The following ESYT2 variants were observed in gnomAD, a reference collection of about 807,000 sequenced individuals.
ESYT2 encodes extended synaptotagmin-2.
Under a neutral mutation model 107.2 loss-of-function variants are expected in ESYT2, and 54 were observed. The ratio of observed to expected loss-of-function variants is 0.50; its 90% CI spans 0.40 to 0.63. The LOEUF (loss-of-function observed/expected upper bound fraction) is 0.63, where lower values mean the gene tolerates loss of function less well. ESYT2 is among the 30% of genes least tolerant of loss of function. The pLI is 0.00. For synonymous variants in ESYT2, 491 were observed against 434.1 expected (o/e 1.13, Z -1.63); for missense variants, 1,020 against 1,094.5 (o/e 0.93, Z 0.96).
rs534394628 is a variant in ESYT2 at position 158,759,315 on chromosome 7, A to C, written c.1419+171T>G. Among the ~76,000 whole-genome samples the C allele has an allele frequency of 2.0e-5, 3 of 152,362 alleles. No homozygotes were observed. In the South Asian group the frequency reaches 6.2e-4, roughly 32 times the overall value. On this transcript the variant is annotated intron_variant, in intron 13 of 22. Coordinates refer to ENST00000275418, the MANE Select transcript of ESYT2 (RefSeq NM_001367773.1). Reference sequence around the variant, plus strand: ...TAAACAGAAATGTATGCACTCCCAGAGCAAACACTAACTTCTCCCTCTCCA... The same window carrying C: ...TAAACAGAAATGTATGCACTCCCAGCGCAAACACTAACTTCTCCCTCTCCA...
At chr7:158,765,086 C>T (rs1312032476) in intron 8 of ESYT2, among the ~76,000 whole-genome samples, 3 of 152,136 alleles carry the variant, frequency 2.0e-5, no homozygotes, top group Non-Finnish European at 4.4e-5. Flanking sequence ...GAGGCTGGCT[C>T]AGAGGAGAAC....
At chr7:158,811,050 T>G (rs1481496153) in intron 1 of ESYT2, among the ~76,000 whole-genome samples, 1 of 135,412 alleles carries the variant, frequency 7.4e-6, no homozygotes, top group Non-Finnish European at 1.6e-5. Context: ...ATCCCAGCAC[T>G]CTGGGACGCC....
rs967292351 is a variant in ESYT2, at chr7:158,822,476, T to C, written c.330+6613A>G. Among the ~76,000 whole-genome samples, 4 of 152,304 alleles carry C rather than the reference T, an allele frequency of 2.6e-5. No individual in the cohort carries two copies. In the East Asian group the frequency reaches 7.7e-4, roughly 29 times the overall value. On this transcript the variant is annotated intron_variant, in intron 1 of 22. Transcript: ENST00000275418. ...ATAGCATCCGTGTTTAAGGGACTAT[T>C]AGAGGCCCGAGGTGGTGGCTCACAC... is the stretch of plus-strand genomic sequence containing the variant.
At chr7:158,788,616 C>T (rs533533710) in intron 4 of ESYT2, among the ~76,000 whole-genome samples, 199 bp from the exon 5 acceptor site, 3 of 152,318 alleles carry the variant, frequency 2.0e-5, no homozygotes, top group South Asian at 4.1e-4. Context: ...AGATCCAACA[C>T]TGCTATGACG....
At position 158,749,668 on chromosome 7, in the gene ESYT2, T is replaced by G; in HGVS notation, c.1538A>C (p.His513Pro). 1.2e-6 allele frequency: 2 copies of G among 1,614,120 alleles called. No homozygotes were observed. The part of the protein sequence containing the change: ...PNPVVQMSVG[H>P]KAQESKIRYK... ...CCTTACCTTGCTCTCCTGGGCCTTG[T>G]GCCCAACTGACATCTGGACAACAGG... Residue 513 changes from histidine (H) to proline (P), a missense_variant, in exon 15 of 23, where the codon CAC becomes CCC. Coordinates refer to ENST00000275418, the MANE Select transcript of ESYT2 (RefSeq NM_001367773.1).
chr7:158,741,763 C>A lies in ESYT2; in HGVS notation c.1928G>T (p.Gly643Val), dbSNP rs1325012649. Residue 643 changes from glycine to valine, a missense_variant, in exon 18 of 23, where the codon GGC becomes GTC. Transcript: ENST00000275418. ...SHMSGSPGPG[G>V]SNTAPSTPVI... ...TGGTGTGGATGGAGCTGTGTTGCTG[C>A]CACCAGGGCCTGGAGACCCAGACAT... The A allele has an allele frequency of 1.2e-6, 2 of 1,614,020 alleles. No homozygotes were observed. The highest frequency in any genetic ancestry group is 1.1e-5 in the South Asian group (1 of 91,072).
chr7:158,734,195 T>A lies in ESYT2; in HGVS notation c.*12A>T. On this transcript the variant is annotated 3_prime_UTR_variant, in exon 23 of 23. Transcript: ENST00000275418. ...GAGCTACGCTGAAGAGGACGCCTCC[T>A]GCCTGCTGCGGCTATGTCATCGCCT... 2.5e-6 allele frequency: 4 copies of A among 1,614,150 alleles called. No homozygotes were observed. Among genetic ancestry groups the A allele is most frequent in the Non-Finnish European group, 3.4e-6 (4 of 1,180,040 alleles).
chr7:158,781,296 G>GC (rs1838787134), intron 6 of ESYT2, among the ~76,000 whole-genome samples: 1 of 47,728 alleles, frequency 2.1e-5, no homozygotes, highest in African/African-American at 5.0e-5. Context: ...AACAGTGTGC[G>GC]GTGTGTGAGA....
rs1291999368 is a variant in ESYT2, at chr7:158,828,852, G to A, written c.330+237C>T. On this transcript the variant is annotated intron_variant, in intron 1 of 22. Coordinates refer to ENST00000275418, the MANE Select transcript of ESYT2 (RefSeq NM_001367773.1). ...CGGGGCGGGGTCTGCACTCACCTAG[G>A]TTGGCAGGTCGCAGGAACCGGCCCG... Among the ~76,000 whole-genome samples, 4 of 148,474 alleles carry A rather than the reference G, an allele frequency of 2.7e-5. No homozygotes were observed. The South Asian group carries it at 8.7e-4, about 32-fold the overall frequency.
At chr7:158,788,731 C>T (rs1048387248) in intron 4 of ESYT2, among the ~76,000 whole-genome samples, 1 of 152,152 alleles carries the variant, frequency 6.6e-6, no homozygotes, top group Non-Finnish European at 1.5e-5. Context: ...AAAGAAGATG[C>T]GAATAACAAA....
intron 1 of ESYT2, among the ~76,000 whole-genome samples, chr7:158,803,390 C>T (rs2129473693): frequency 6.6e-6 from 1 of 152,322 alleles, no homozygotes; most frequent in East Asian, 1.9e-4. Context: ...GACGCCTCTT[C>T]TTTATCAGTT....
Position 158,764,831 on chromosome 7 carries a change from A to G in ESYT2, c.947T>C (p.Ile316Thr). 1.2e-6 allele frequency: 2 copies of G among 1,614,142 alleles called. No individual in the cohort carries two copies. Among genetic ancestry groups the G allele is most frequent in the Non-Finnish European group, 1.7e-6 (2 of 1,180,008 alleles). ...TTTCCCCTGAAGATCCTGAGCTTCA[A>G]TAAAATGTATCCTTAGAACACCCTG... ...VPKGVLRIHF[I>T]EAQDLQGKDT... Residue 316 changes from isoleucine to threonine, a missense_variant, in exon 9 of 23, where the codon ATT (isoleucine) becomes ACT (threonine). Coordinates refer to ENST00000275418, the MANE Select transcript of ESYT2 (RefSeq NM_001367773.1).
chr7:158,822,941 C>T (rs537680639), intron 1 of ESYT2, among the ~76,000 whole-genome samples: 1 of 152,204 alleles, frequency 6.6e-6, no homozygotes, highest in African/African-American at 2.4e-5. Context: ...GCTAGAATTC[C>T]GTAAGCAAAG....
intron 6 of ESYT2, among the ~76,000 whole-genome samples, chr7:158,786,602 C>A (rs981894399): frequency 1.4e-4 from 22 of 152,080 alleles, no homozygotes; most frequent in African/African-American, 5.1e-4. Context: ...AAAATCAGAA[C>A]AATTATTTTA....
At position 158,785,426 on chromosome 7, in the gene ESYT2, A is replaced by AAAATAAAT. The variant is rs55862703; in HGVS notation, c.747+2570_747+2577dup. On this transcript the variant is annotated intron_variant, in intron 6 of 22. Coordinates refer to ENST00000275418, the MANE Select transcript of ESYT2 (RefSeq NM_001367773.1). ...GGTGACAAGAGTGAAACTCCGTCTC[A>AAAATAAAT]AAATAAATAAATAAATAAATAAATA... is the stretch of plus-strand genomic sequence containing the variant. 3.6e-3 allele frequency among the ~76,000 whole-genome samples: 514 copies of AAAATAAAT among 144,024 alleles called. 1 individual carries two copies. The highest frequency in any genetic ancestry group is 0.014 in the Middle Eastern group (4 of 286). 94.5% of individuals were successfully genotyped at this position (144,024 alleles called of 152,430 possible). A position where few individuals can be genotyped will look rare whatever the true frequency, so the allele number is the denominator to read the frequency against.
intron 1 of ESYT2, among the ~76,000 whole-genome samples, chr7:158,812,462 G>A (rs1460022008): frequency 2.0e-5 from 3 of 152,166 alleles, no homozygotes; most frequent in African/African-American, 7.2e-5. Flanking sequence ...AAAAACACAA[G>A]TGTTGGCAAG....
At chr7:158,768,256 C>T (rs911830738) in intron 7 of ESYT2, among the ~76,000 whole-genome samples, 7 of 152,160 alleles carry the variant, frequency 4.6e-5, no homozygotes, top group African/African-American at 1.7e-4. Context: ...CATCTCATTT[C>T]TCCGTTGTTG....
intron 6 of ESYT2, among the ~76,000 whole-genome samples, chr7:158,782,248 T>C (rs565205556): frequency 7.4e-5 from 11 of 147,716 alleles, no homozygotes; most frequent in African/African-American, 2.8e-4. Flanking sequence ...CGAGTGAGAA[T>C]GAGTGAACAA....
chr7:158,816,431 T>C (rs1240285847), intron 1 of ESYT2, among the ~76,000 whole-genome samples: 1 of 152,174 alleles, frequency 6.6e-6, no homozygotes, highest in Non-Finnish European at 1.5e-5. Flanking sequence ...CCCATGAGGA[T>C]GAAAGCAGCT....
Sources: allele counts gnomAD v4.1 joint callset (sites outside exome capture counted in the v4.1 genomes callset), GRCh38; gene constraint gnomAD v4.1.1; transcripts MANE v1.5; gene names NCBI Gene and HGNC (gene_info 2026-07-23, HGNC 2026-07-21).